The following C12orf42 variants were observed in gnomAD, a reference collection of about 807,000 sequenced individuals.
C12orf42 encodes uncharacterized protein C12orf42.
A neutral mutation model predicts 21.6 loss-of-function variants in C12orf42; 25 were observed. The observed-to-expected ratio is 1.16, with a 90% CI of 0.84 to 1.62. C12orf42 has a LOEUF of 1.62. Ranked by LOEUF, C12orf42 falls within the 40% of genes most tolerant of loss-of-function variation. The pLI is 0.00. For synonymous variants in C12orf42, 174 were observed against 175.0 expected (o/e 0.99, Z 0.05); for missense variants, 483 against 459.3 (o/e 1.05, Z -0.47).
chr12:103,326,874 C>T (rs890062155), intron 4 of C12orf42, among the ~76,000 whole-genome samples: 5 of 152,194 alleles, frequency 3.3e-5, no homozygotes, highest in Admixed American at 6.5e-5. Context: ...TACTGTCTGG[C>T]TACTGCACTA....
At chr12:103,466,801 G>T (rs1403401669) in intron 2 of C12orf42, among the ~76,000 whole-genome samples, 1 of 152,218 alleles carries the variant, frequency 6.6e-6, no homozygotes, top group African/African-American at 2.4e-5. Flanking sequence ...GCTAGCAAAT[G>T]CAAACACAAG....
the C12orf42 span, among the ~76,000 whole-genome samples, chr12:103,529,040 G>C: frequency 2.0e-5 from 3 of 152,110 alleles, no homozygotes; most frequent in Non-Finnish European, 4.4e-5. Context: ...AGTAGTATAA[G>C]AGTGTGCACC....
the C12orf42 span, chr12:103,506,084 A>G: frequency 9.1e-6 from 2 of 220,518 alleles, no homozygotes; most frequent in South Asian, 1.6e-4. Context: ...TTCTGAGTGA[A>G]CCCCTGGAGC....
the C12orf42 span, among the ~76,000 whole-genome samples, chr12:103,185,163 GT>G: frequency 6.6e-6 from 1 of 152,128 alleles, no homozygotes; most frequent in Non-Finnish European, 1.5e-5. Context: ...TTCATAAGAG[GT>G]TTTCTATTGT....
At chr12:103,139,219 A>G in the C12orf42 span, among the ~76,000 whole-genome samples, 1 of 152,202 alleles carries the variant, frequency 6.6e-6, no homozygotes. Context: ...TTCTTTATCA[A>G]TAAAGCGCAT....
chr12:103,486,555 C>G (rs1028069886), intron 1 of C12orf42, among the ~76,000 whole-genome samples: 1 of 151,926 alleles, frequency 6.6e-6, no homozygotes, highest in African/African-American at 2.4e-5. Flanking sequence ...TTCTTTGTAC[C>G]TCTGGTGGAA....
chr12:103,153,674 G>A, the C12orf42 span, among the ~76,000 whole-genome samples: 2 of 152,128 alleles, frequency 1.3e-5, no homozygotes, highest in African/African-American at 2.4e-5. Flanking sequence ...CTAAAAGGAT[G>A]TGGAACAACT....
At chr12:103,125,505 T>G in the C12orf42 span, among the ~76,000 whole-genome samples, 56 of 152,266 alleles carry the variant, frequency 3.7e-4, no homozygotes, top group African/African-American at 1.3e-3. Flanking sequence ...CTGGAAAATC[T>G]GCGCATTTTT....
At chr12:103,502,825 T>A in the C12orf42 span, among the ~76,000 whole-genome samples, 1 of 152,098 alleles carries the variant, frequency 6.6e-6, no homozygotes, top group East Asian at 1.9e-4. Context: ...CCTCAGTCTG[T>A]GGTATAATGG....
the C12orf42 span, among the ~76,000 whole-genome samples, chr12:103,203,080 G>C: frequency 6.6e-6 from 1 of 152,162 alleles, no homozygotes; most frequent in East Asian, 1.9e-4. Flanking sequence ...TTTGATATTT[G>C]TTTTGTCATA....
At chr12:103,492,955 G>A (rs1194623093) in intron 1 of C12orf42, among the ~76,000 whole-genome samples, 1 of 152,114 alleles carries the variant, frequency 6.6e-6, no homozygotes, top group Non-Finnish European at 1.5e-5. Context: ...GCTCTCATCA[G>A]TTCTTTCTCT....
the C12orf42 span, among the ~76,000 whole-genome samples, chr12:103,228,022 ATCTT>A: frequency 6.6e-5 from 10 of 152,278 alleles, no homozygotes; most frequent in Admixed American, 5.2e-4. Context: ...TCATAGGTGG[ATCTT>A]TCTAATGGAG....
chr12:103,416,903 A>T (rs144819998), intron 2 of C12orf42, among the ~76,000 whole-genome samples: 33 of 152,304 alleles, frequency 2.2e-4, no homozygotes, highest in African/African-American at 7.9e-4. Flanking sequence ...AAAAGATATT[A>T]TAACTAGTAT....
chr12:103,273,963 G>A (rs2035616340), intron 5 of C12orf42: 3 of 455,350 alleles, frequency 6.6e-6, no homozygotes, highest in African/African-American at 4.0e-5. Context: ...GTGCTGTCCA[G>A]GGTCAAGAAA....
intron 2 of C12orf42, among the ~76,000 whole-genome samples, chr12:103,460,566 G>A (rs1414381257): frequency 1.3e-5 from 2 of 152,116 alleles, no homozygotes; most frequent in African/African-American, 4.8e-5. Context: ...TCTGTGCAAT[G>A]GGACCTGCAG....
At chr12:103,563,637 G>A in the C12orf42 span, among the ~76,000 whole-genome samples, 1 of 152,142 alleles carries the variant, frequency 6.6e-6, no homozygotes, top group African/African-American at 2.4e-5. Context: ...AGACTATTGG[G>A]GTGACTCACC....
At chr12:103,059,005 GA>G in the C12orf42 span, among the ~76,000 whole-genome samples, 1 of 152,048 alleles carries the variant, frequency 6.6e-6, no homozygotes, top group East Asian at 1.9e-4. Context: ...ATAGAGACAT[GA>G]AAAACCCTTC....
At chr12:103,540,116 T>C in the C12orf42 span, among the ~76,000 whole-genome samples, 1 of 152,090 alleles carries the variant, frequency 6.6e-6, no homozygotes, top group Non-Finnish European at 1.5e-5. Flanking sequence ...CAAGCGATTC[T>C]CCTGCCTCAG....
intron 1 of C12orf42, 148 bp from the exon 2 acceptor site, chr12:103,478,595 T>TTC: frequency 2.1e-6 from 1 of 468,554 alleles, no homozygotes; most frequent in South Asian, 3.7e-5. Flanking sequence ...TTTTTTTTTT[T>TTC]TTTTTTTTGG....
Sources: gnomAD v4.1 joint callset for allele counts (sites outside exome capture counted in the v4.1 genomes callset) on GRCh38, gnomAD v4.1.1 for gene constraint, MANE v1.5 for transcripts, NCBI Gene and HGNC (gene_info 2026-07-23, HGNC 2026-07-21) for gene names.